The following NAMPT variants were observed in gnomAD, a reference collection of about 807,000 sequenced individuals.
NAMPT encodes the protein NAmPRTase.
Under a neutral mutation model 58.7 loss-of-function variants are expected in NAMPT, and 7 were observed. The ratio of observed to expected loss-of-function variants is 0.12; its 90% confidence interval spans 0.07 to 0.22. NAMPT has a LOEUF of 0.22. NAMPT is among the 10% of genes least tolerant of loss of function. The probability of loss-of-function intolerance (pLI) is 1.00; values close to 1 mark genes in which losing one functional copy is unlikely to be tolerated. For synonymous variants in NAMPT, 145 were observed against 198.1 expected, an observed-to-expected ratio of 0.73 and a Z score of 2.25; for missense variants, 271 against 567.9, an observed-to-expected ratio of 0.48 and a Z score of 5.31.
In NAMPT at chr7:106,269,285, T is replaced by C. The variant is rs1792484865; in HGVS notation, c.475A>G (p.Ile159Val). 2.5e-6 allele frequency: 4 copies of C among 1,613,592 alleles called. No individual in the cohort carries two copies. The highest frequency in any genetic ancestry group is 1.3e-5 in the African/African-American group (1 of 75,052). ...TCTCTAGAATTTGTGGCCACTGTGATTGGATACCAGGACTGAACAAGAATA... is the reference window on the plus strand; with the variant it reads ...TCTCTAGAATTTGTGGCCACTGTGACTGGATACCAGGACTGAACAAGAATA... ...ETILVQSWYP[I>V]TVATNSREQK... is the part of the protein sequence containing the mutation. Residue 159 changes from isoleucine (I) to valine (V), a missense_variant, in exon 5 of 11, where the codon ATC (isoleucine) becomes GTC (valine). Transcript: ENST00000222553.
intron 2 of NAMPT, chr7:106,275,736 C>T (rs1586025417): frequency 6.6e-6 from 1 of 152,282 alleles, no homozygotes; most frequent in East Asian, 1.9e-4. Context: ...CTAGTAAACT[C>T]GTTTAAAGTA....
upstream of NAMPT, chr7:106,285,279 G>A: frequency 2.8e-6 from 2 of 727,124 alleles, no homozygotes; most frequent in Non-Finnish European, 3.4e-6. Flanking sequence ...GGAAGCTGGA[G>A]GCAGCGGGGC....
upstream of NAMPT, chr7:106,285,653 C>T (rs1792866721): frequency 2.1e-6 from 2 of 968,916 alleles, no homozygotes; most frequent in African/African-American, 1.8e-5. Flanking sequence ...AGGAGTGAGG[C>T]TGAGGGGCCC....
At chr7:106,271,907 T>C (rs1792541671) in intron 4 of NAMPT, 1 of 175,518 alleles carries the variant, frequency 5.7e-6, no homozygotes, top group African/African-American at 2.4e-5. Flanking sequence ...CTAGGTAGAG[T>C]ATTATTATCA....
intron 8 of NAMPT, among the ~76,000 whole-genome samples, chr7:106,258,112 C>T (rs776854419): frequency 6.6e-6 from 1 of 152,314 alleles, no homozygotes; most frequent in African/African-American, 2.4e-5. Context: ...CACATGAAAG[C>T]CCCTATGTCC....
rs1301389399 is a variant in NAMPT, at chr7:106,284,718, TAGCCCC to T, written c.57+104_57+109del. On this transcript the variant is annotated intron_variant, in intron 1 of 10. Coordinates refer to ENST00000222553, the MANE Select transcript of NAMPT (RefSeq NM_005746.3). ...CCCGGGCCTCCCCGCGCCGCGACCC[TAGCCCC>T]AGCCCCAGCCCCAACCCCAGCCCCA... is the stretch of plus-strand genomic sequence containing the variant. 7 of 746,598 alleles carry T rather than the reference TAGCCCC, an allele frequency of 9.4e-6. 1 individual carries two copies. Among genetic ancestry groups the T allele is most frequent in the South Asian group, 9.6e-5 (2 of 20,752 alleles). The allele number at this position is 746,598 out of a possible 1,614,324, so 46.2% of individuals were successfully genotyped here.
chr7:106,274,760 CAGG>C (rs760267870), intron 3 of NAMPT, among the ~76,000 whole-genome samples, 183 bp downstream of exon 3: 23 of 152,146 alleles, frequency 1.5e-4, no homozygotes, highest in East Asian at 9.6e-4. Flanking sequence ...GAGGCTAAGG[CAGG>C]AGAATAGCTT....
intron 8 of NAMPT, among the ~76,000 whole-genome samples, chr7:106,260,029 C>T (rs556936730): frequency 6.6e-6 from 1 of 152,202 alleles, no homozygotes; most frequent in Admixed American, 6.5e-5. Context: ...TTCTAAGGGT[C>T]CTAGGATTAT....
intron 6 of NAMPT, among the ~76,000 whole-genome samples, chr7:106,267,508 T>C (rs1792435675): frequency 6.6e-6 from 1 of 152,132 alleles, no homozygotes; most frequent in African/African-American, 2.4e-5. Context: ...TAAATAATTT[T>C]GTTATAAAAG....
chr7:106,257,767 A>G (rs537041207), intron 8 of NAMPT, among the ~76,000 whole-genome samples: 1 of 152,370 alleles, frequency 6.6e-6, no homozygotes, highest in African/African-American at 2.4e-5. Context: ...ACTCCGTTCA[A>G]CTTGCCTGAA....
At chr7:106,276,053 T>G (rs1404525100) in intron 2 of NAMPT, 1 of 152,122 alleles carries the variant, frequency 6.6e-6, no homozygotes, top group African/African-American at 2.4e-5. Context: ...CAAAAAAACT[T>G]TGGTATTAAC....
chr7:106,273,280 C>T (rs1792573215), intron 3 of NAMPT, among the ~76,000 whole-genome samples: 2 of 152,128 alleles, frequency 1.3e-5, no homozygotes, highest in African/African-American at 4.8e-5. Context: ...GTAATAATTG[C>T]CTCCAAAATT....
At chr7:106,253,979 T>G (rs1399371407) in intron 9 of NAMPT, among the ~76,000 whole-genome samples, 1 of 152,168 alleles carries the variant, frequency 6.6e-6, no homozygotes, top group Admixed American at 6.6e-5. Flanking sequence ...AAACCTCATA[T>G]TCTACCTTCC....
upstream of NAMPT, chr7:106,285,432 T>C: frequency 1.6e-6 from 1 of 637,658 alleles, no homozygotes; most frequent in Non-Finnish European, 2.0e-6. Flanking sequence ...CCTTCCGTCC[T>C]ACCCAGTCCT....
chr7:106,279,056 A>G (rs1792705279), intron 1 of NAMPT, among the ~76,000 whole-genome samples: 1 of 152,118 alleles, frequency 6.6e-6, no homozygotes, highest in Non-Finnish European at 1.5e-5. Context: ...CTTGGTCTAA[A>G]AGTATACTGA....
chr7:106,285,176 G>A (rs1792849201), upstream of NAMPT: 19 of 1,228,800 alleles, frequency 1.5e-5, no homozygotes, highest in African/African-American at 4.8e-5. Flanking sequence ...GGCCGAGAAA[G>A]GGCGGGGCGC....
chr7:106,264,257 T>G (rs1195804300), intron 6 of NAMPT, among the ~76,000 whole-genome samples: 3 of 152,174 alleles, frequency 2.0e-5, no homozygotes, highest in Admixed American at 2.0e-4. Context: ...GAATAAGAAT[T>G]CAAATACTTA....
chr7:106,274,526 A>G (rs1015086691), intron 3 of NAMPT, among the ~76,000 whole-genome samples: 1 of 152,172 alleles, frequency 6.6e-6, no homozygotes. Context: ...TTCAGATCAC[A>G]AACAAAAAAG....
chr7:106,279,009 CA>C (rs1229806625), intron 1 of NAMPT, among the ~76,000 whole-genome samples: 1 of 152,106 alleles, frequency 6.6e-6, no homozygotes, highest in Non-Finnish European at 1.5e-5. Flanking sequence ...GAGTCAAAAG[CA>C]AAATGGAAAT....
Sources: allele counts gnomAD v4.1 joint callset (sites outside exome capture counted in the v4.1 genomes callset), GRCh38; gene constraint gnomAD v4.1.1; transcripts MANE v1.5; gene names NCBI Gene and HGNC (gene_info 2026-07-23, HGNC 2026-07-21).